TAB2: variants seen among roughly 807,000 people sequenced by gnomAD.
The protein encoded by TAB2 is TGF-beta-activated kinase 1 and MAP3K7-binding protein 2.
Under a neutral mutation model 65.0 loss-of-function variants are expected in TAB2, and 3 were observed. That is an observed-to-expected ratio of 0.05 (90% CI 0.02 to 0.12). The LOEUF (loss-of-function observed/expected upper bound fraction) is 0.12, where lower values mean the gene tolerates loss of function less well. TAB2 is among the 10% of genes least tolerant of loss of function. The probability of loss-of-function intolerance (pLI) is 1.00; values close to 1 mark genes in which losing one functional copy is unlikely to be tolerated. For missense variants in TAB2, 623 were observed against 840.3 expected (o/e 0.74, Z 3.20); for synonymous variants, 298 against 285.1 (o/e 1.05, Z -0.46).
chr6:149,301,148 C>T (rs1778965792), intron 1 of TAB2, among the ~76,000 whole-genome samples: 3 of 152,230 alleles, frequency 2.0e-5, no homozygotes, highest in Admixed American at 2.0e-4. Flanking sequence ...AAGCTCTTGG[C>T]AGGGTGGTCA....
intron 5 of TAB2, among the ~76,000 whole-genome samples, chr6:149,398,902 G>GT (rs1320504371): frequency 1.8e-4 from 28 of 152,108 alleles, no homozygotes; most frequent in African/African-American, 6.7e-4. Flanking sequence ...ACTTACCCGT[G>GT]TTTATGAGTA....
chr6:149,268,445 T>A (rs1032047203), intron 1 of TAB2, among the ~76,000 whole-genome samples: 1 of 152,182 alleles, frequency 6.6e-6, no homozygotes, highest in Non-Finnish European at 1.5e-5. Context: ...AATGTTCTAA[T>A]TCTCATCATT....
chr6:149,356,262 C>T (rs1476853527), intron 1 of TAB2, among the ~76,000 whole-genome samples: 2 of 152,162 alleles, frequency 1.3e-5, no homozygotes, highest in Non-Finnish European at 2.9e-5. Flanking sequence ...CAAGATTTCA[C>T]AGTGATTCTG....
At chr6:149,241,099 G>T (rs917261361) in intron 1 of TAB2, among the ~76,000 whole-genome samples, 1 of 152,050 alleles carries the variant, frequency 6.6e-6, no homozygotes, top group Non-Finnish European at 1.5e-5. Context: ...CAGCAAGAAG[G>T]TTTCCACCTA....
intron 1 of TAB2, among the ~76,000 whole-genome samples, chr6:149,237,567 T>C (rs1012277421): frequency 2.6e-5 from 4 of 152,220 alleles, no homozygotes; most frequent in African/African-American, 9.7e-5. Flanking sequence ...CCTGCCTTTC[T>C]CCTGTTTATA....
intron 1 of TAB2, among the ~76,000 whole-genome samples, chr6:149,301,120 A>T (rs1331882771): frequency 6.6e-6 from 1 of 152,234 alleles, no homozygotes; most frequent in Non-Finnish European, 1.5e-5. Flanking sequence ...CTGGAGCCAC[A>T]TCTCTGTAAG....
At chr6:149,326,157 A>G (rs1374726646) in intron 1 of TAB2, among the ~76,000 whole-genome samples, 1 of 152,162 alleles carries the variant, frequency 6.6e-6, no homozygotes, top group African/African-American at 2.4e-5. Flanking sequence ...TTGGTTATAC[A>G]AATAGCATTC....
intron 1 of TAB2, among the ~76,000 whole-genome samples, chr6:149,363,435 C>T (rs943585922): frequency 6.6e-6 from 1 of 152,060 alleles, no homozygotes. Flanking sequence ...GGAAAGTTTC[C>T]CTAATGAGCT....
At chr6:149,386,011 C>T (rs982477812) in intron 3 of TAB2, among the ~76,000 whole-genome samples, 4 of 152,160 alleles carry the variant, frequency 2.6e-5, no homozygotes, top group Non-Finnish European at 5.9e-5. Flanking sequence ...ATTAGATTCA[C>T]TCAATCCCCT....
chr6:149,254,811 C>A (rs1777976154), intron 1 of TAB2, among the ~76,000 whole-genome samples: 1 of 152,212 alleles, frequency 6.6e-6, no homozygotes, highest in Admixed American at 6.5e-5. Flanking sequence ...TCGGCACTTA[C>A]TGTGTTCCAG....
intron 1 of TAB2, among the ~76,000 whole-genome samples, chr6:149,251,558 C>G (rs115359635): frequency 6.6e-6 from 1 of 152,190 alleles, no homozygotes; most frequent in Non-Finnish European, 1.5e-5. Context: ...TGGCAGCCCA[C>G]GGACCCATGG....
At chr6:149,396,883 CT>C (rs1378908406) in intron 3 of TAB2, among the ~76,000 whole-genome samples, 9 of 152,220 alleles carry the variant, frequency 5.9e-5, no homozygotes, top group African/African-American at 2.2e-4. Flanking sequence ...ACATTCCCTT[CT>C]AAAATATCTA....
chr6:149,257,927 C>A (rs1335232173), intron 1 of TAB2, among the ~76,000 whole-genome samples: 2 of 152,172 alleles, frequency 1.3e-5, no homozygotes, highest in African/African-American at 4.8e-5. Flanking sequence ...AAATGCTAGA[C>A]AGAGAGAAGT....
intron 1 of TAB2, among the ~76,000 whole-genome samples, chr6:149,289,479 G>A (rs1329484025): frequency 6.6e-6 from 1 of 152,050 alleles, no homozygotes; most frequent in Non-Finnish European, 1.5e-5. Context: ...GAGACTGTGA[G>A]TCAGGGCCTG....
chr6:149,327,267 A>G (rs1010256978), intron 1 of TAB2, among the ~76,000 whole-genome samples: 7 of 152,204 alleles, frequency 4.6e-5, no homozygotes, highest in African/African-American at 1.7e-4. Flanking sequence ...TTTAAGACAG[A>G]TTAAATGTTC....
intron 1 of TAB2, among the ~76,000 whole-genome samples, chr6:149,289,589 C>T (rs766880645): frequency 6.6e-6 from 1 of 152,218 alleles, no homozygotes; most frequent in Non-Finnish European, 1.5e-5. Flanking sequence ...ACTCTCTCTT[C>T]ACCCAGTCCA....
At chr6:149,364,153 G>C (rs899540543) in intron 1 of TAB2, among the ~76,000 whole-genome samples, 4 of 152,038 alleles carry the variant, frequency 2.6e-5, no homozygotes, top group Non-Finnish European at 5.9e-5. Context: ...TTTCTGACTG[G>C]TCTTCTCATA....
chr6:149,316,362 A>G (rs982776754), upstream of TAB2, among the ~76,000 whole-genome samples: 5 of 152,236 alleles, frequency 3.3e-5, no homozygotes, highest in African/African-American at 1.2e-4. Context: ...AAGAACTTTT[A>G]ACTGTGAGGA....
chr6:149,380,829 G>T (rs978531995), intron 3 of TAB2, among the ~76,000 whole-genome samples: 1 of 152,158 alleles, frequency 6.6e-6, no homozygotes, highest in Non-Finnish European at 1.5e-5. Flanking sequence ...TGATTTTACT[G>T]CTGAGTCTCT....
Sources: allele counts gnomAD v4.1 joint callset (sites outside exome capture counted in the v4.1 genomes callset), GRCh38; gene constraint gnomAD v4.1.1; transcripts MANE v1.5; gene names NCBI Gene and HGNC (gene_info 2026-07-23, HGNC 2026-07-21).